Variants in SUSD1 observed in about 807,000 individuals in gnomAD.
SUSD1 encodes sushi domain-containing protein 1.
Under a neutral mutation model 86.9 loss-of-function variants are expected in SUSD1, and 65 were observed. That is an observed-to-expected ratio of 0.75 (90% CI 0.61 to 0.92). The LOEUF (loss-of-function observed/expected upper bound fraction) is 0.92. Among genes scored for constraint, SUSD1 ranks in the 40% least tolerant of loss-of-function variants. The pLI is 0.00. For synonymous variants in SUSD1, 346 were observed against 350.0 expected (o/e 0.99, Z 0.13); for missense variants, 850 against 929.7 (o/e 0.91, Z 1.11).
At position 112,112,781 on chromosome 9, in the gene SUSD1, A is replaced by T. The variant is rs1181933768; in HGVS notation, c.974T>A (p.Ile325Asn). The change falls in exon 7 of 17, where the codon ATC (isoleucine) becomes AAC (asparagine). Residue 325 changes from isoleucine (I) to asparagine (N), a missense_variant. Physicochemically the swap from Ile to Asn is moderately radical, Grantham distance 149 (BLOSUM62 -3). Transcript: ENST00000374270. ...GATCACTTTACTTACCACATATGAG[A>T]TCTTGGGGTTTATTCTTCTTGAGTT... is the stretch of plus-strand genomic sequence containing the variant. ...QINSRRINPKISYVISIKGQR... is the reference protein window; with the variant it reads ...QINSRRINPKNSYVISIKGQR... The T allele has an allele frequency of 6.2e-7, 1 of 1,610,612 alleles. No homozygotes were observed.
At chr9:112,124,574 C>A in intron 5 of SUSD1, 138 bp from the exon 6 acceptor site, 3 of 748,134 alleles carry the variant, frequency 4.0e-6, no homozygotes, top group South Asian at 3.7e-5. Flanking sequence ...ATCAAATAAT[C>A]CAATATAAGT....
rs554222243 is a variant in SUSD1, at chr9:112,136,283, G to A, written c.706+6037C>T. On this transcript the variant is annotated intron_variant, in intron 5 of 16. Transcript: ENST00000374270. ...GGGTCTTCCCCTGTTGCCCAGGCTG[G>A]AGTGCAGTGGCATGATCACAGCTCA... Among the ~76,000 whole-genome samples, 61 of 152,212 alleles carry A rather than the reference G, an allele frequency of 4.0e-4. 1 individual carries two copies. Among genetic ancestry groups the A allele is most frequent in the Admixed American group, 1.9e-3 (29 of 15,278 alleles).
intron 10 of SUSD1, among the ~76,000 whole-genome samples, chr9:112,090,214 A>C (rs1830150452): frequency 6.6e-6 from 1 of 152,234 alleles, no homozygotes; most frequent in Admixed American, 6.5e-5. Flanking sequence ...GTTAAACGAA[A>C]CTACTTTGCA....
intron 12 of SUSD1, among the ~76,000 whole-genome samples, chr9:112,069,469 G>A (rs1278649965): frequency 6.6e-6 from 1 of 152,192 alleles, no homozygotes; most frequent in African/African-American, 2.4e-5. Flanking sequence ...AGTGATGGAG[G>A]AGAGAGGAAA....
At chr9:112,167,982 T>C (rs1183437311) in intron 1 of SUSD1, among the ~76,000 whole-genome samples, 1 of 152,172 alleles carries the variant, frequency 6.6e-6, no homozygotes, top group Non-Finnish European at 1.5e-5. Context: ...ACTTATTCAC[T>C]ACCACGAGAA....
rs887977613 is a variant in SUSD1 at position 112,116,748 on chromosome 9, G to C, written c.887-3880C>G. On this transcript the variant is annotated intron_variant, in intron 6 of 16. Transcript: ENST00000374270. ...AACACTGGGAAACACTGAAACCCAG[G>C]GGGGAACCAGAGGAAAAAGGCAATG... Among the ~76,000 whole-genome samples, 6 of 152,310 alleles carry C rather than the reference G, an allele frequency of 3.9e-5. No individual in the cohort carries two copies. In the South Asian group the frequency reaches 8.3e-4, roughly 21 times the overall value.
At chr9:112,062,798 C>CA (rs1374177450) in intron 13 of SUSD1, 139 bp downstream of exon 13, 8 of 535,094 alleles carry the variant, frequency 1.5e-5, no homozygotes, top group African/African-American at 1.3e-4. Flanking sequence ...CCCAAGGAAA[C>CA]AAAAGAGGCC....
chr9:112,147,802 T>C (rs1432942697), intron 3 of SUSD1, among the ~76,000 whole-genome samples: 3 of 152,080 alleles, frequency 2.0e-5, no homozygotes, highest in Admixed American at 2.0e-4. Flanking sequence ...ACATGAGAAA[T>C]GTGTATTGAA....
intron 15 of SUSD1, among the ~76,000 whole-genome samples, chr9:112,045,862 A>T (rs1024151594): frequency 6.6e-6 from 1 of 152,348 alleles, no homozygotes; most frequent in South Asian, 2.1e-4. Context: ...ATGTTGGAAG[A>T]CTTGAACCTA....
At chr9:112,124,009 G>A (rs1022320355) in intron 6 of SUSD1, among the ~76,000 whole-genome samples, 1 of 152,018 alleles carries the variant, frequency 6.6e-6, no homozygotes, top group African/African-American at 2.4e-5. Context: ...GAGGGGACAG[G>A]AATCACAGCG....
intron 5 of SUSD1, among the ~76,000 whole-genome samples, chr9:112,140,079 G>GTCCAGGCAT (rs1564330740): frequency 3.9e-4 from 50 of 128,866 alleles, no homozygotes; most frequent in African/African-American, 8.0e-4. Flanking sequence ...TACAAAAATT[G>GTCCAGGCAT]GGGCCGGGCG....
intron 5 of SUSD1, among the ~76,000 whole-genome samples, chr9:112,124,737 T>A (rs1476468972): frequency 6.6e-6 from 1 of 152,238 alleles, no homozygotes. Flanking sequence ...TTACTATGTA[T>A]CTTCAGATCA....
At position 112,149,303 on chromosome 9, in the gene SUSD1, C is replaced by T; in HGVS notation, c.314G>A (p.Gly105Glu). 2 of 1,614,140 alleles carry T rather than the reference C, an allele frequency of 1.2e-6. No individual in the cohort carries two copies. The highest frequency in any genetic ancestry group is 2.2e-5 in the East Asian group (1 of 44,882). ...CTTGTTGTTGTTTGTGGCTCGATAT[C>T]CTTCCAGGCAAATGCAATAGAAGCC... ...PGGFYCICLE[G>E]YRATNNNKTF... The change falls in exon 3 of 17, where the codon GGA (glycine) becomes GAA (glutamate). Residue 105 changes from glycine (G) to glutamate (E), a missense_variant. Transcript: ENST00000374270.
chr9:112,165,634 T>G (rs1012639747), intron 1 of SUSD1, among the ~76,000 whole-genome samples: 4 of 151,786 alleles, frequency 2.6e-5, no homozygotes, highest in Non-Finnish European at 5.9e-5. Context: ...GGTCTTGAAC[T>G]CCTGACCTCA....
chr9:112,136,019 C>T (rs969295165), intron 5 of SUSD1, among the ~76,000 whole-genome samples: 2 of 152,190 alleles, frequency 1.3e-5, no homozygotes, highest in African/African-American at 4.8e-5. Context: ...AGCCTTATAA[C>T]CAATGTCATC....
chr9:112,109,927 T>C (rs1003179195), intron 8 of SUSD1, among the ~76,000 whole-genome samples: 4 of 152,238 alleles, frequency 2.6e-5, no homozygotes, highest in African/African-American at 7.2e-5. Context: ...TAGTTGGTTT[T>C]ATATTGTTAA....
chr9:112,041,810 T>C, intron 16 of SUSD1, 57 bp downstream of exon 16: 1 of 1,542,488 alleles, frequency 6.5e-7, no homozygotes. Context: ...TCTTCGTGAC[T>C]CTGACCCATC....
intron 10 of SUSD1, among the ~76,000 whole-genome samples, chr9:112,088,847 T>A (rs1252938749): frequency 6.6e-6 from 1 of 152,084 alleles, no homozygotes; most frequent in Non-Finnish European, 1.5e-5. Context: ...GGTTCCCGCC[T>A]GTAATCCCAG....
At chr9:112,101,137 G>T (rs1249724036) in intron 9 of SUSD1, among the ~76,000 whole-genome samples, 1 of 151,658 alleles carries the variant, frequency 6.6e-6, no homozygotes, top group African/African-American at 2.4e-5. Context: ...TGAGGCGGGT[G>T]GATCACTTGA....
Sources: allele counts gnomAD v4.1 joint callset (sites outside exome capture counted in the v4.1 genomes callset), GRCh38; gene constraint gnomAD v4.1.1; transcripts MANE v1.5; gene names NCBI Gene and HGNC (gene_info 2026-07-23, HGNC 2026-07-21).